The following EFHC2 variants were observed in gnomAD, a reference collection of about 807,000 sequenced individuals.
EFHC2 encodes EF-hand domain containing 2, also known as EF-hand domain-containing family member C2.
EFHC2 carries 18 observed loss-of-function variants against 52.7 expected under a neutral mutation model. That is an observed-to-expected ratio of 0.34 (90% CI 0.24 to 0.51). The LOEUF is 0.51. EFHC2 is among the 20% of genes least tolerant of loss of function. The probability of loss-of-function intolerance (pLI) is 0.97; values close to 1 mark genes in which losing one functional copy is unlikely to be tolerated. For missense variants in EFHC2, 513 were observed against 562.5 expected (o/e 0.91, Z 0.89); for synonymous variants, 203 against 204.1 (o/e 0.99, Z 0.04).
At chrX:44,324,582 A>T (rs1390721745) in intron 1 of EFHC2, among the ~76,000 whole-genome samples, 1 of 111,332 alleles carries the variant, frequency 9.0e-6, no homozygotes, top group African/African-American at 3.3e-5. Flanking sequence ...ACACACACAC[A>T]ATTGCTACAA....
intron 1 of EFHC2, among the ~76,000 whole-genome samples, chrX:44,314,317 A>G (rs759436549): frequency 2.7e-5 from 3 of 112,485 alleles, no homozygotes; most frequent in Admixed American, 1.9e-4. Context: ...GTATATAGCC[A>G]GGGCAATAGC....
At chrX:44,291,238 A>G (rs1450387690) in intron 2 of EFHC2, among the ~76,000 whole-genome samples, 2 of 111,772 alleles carry the variant, frequency 1.8e-5, no homozygotes, top group Admixed American at 9.5e-5. Flanking sequence ...TTTTTGATAA[A>G]TTTATGTTCC....
intron 11 of EFHC2, among the ~76,000 whole-genome samples, chrX:44,181,927 A>G (rs1292128704): frequency 8.9e-6 from 1 of 112,381 alleles, no homozygotes; most frequent in African/African-American, 3.2e-5. Context: ...CACACATTCC[A>G]TTTTTCATTG....
chrX:44,212,774 C>T (rs2037109958), intron 11 of EFHC2, among the ~76,000 whole-genome samples: 2 of 110,680 alleles, frequency 1.8e-5, no homozygotes, highest in South Asian at 3.9e-4. Flanking sequence ...TGCAGTGGCG[C>T]GACCTAGGCT....
At chrX:44,223,898 G>C (rs1024938830) in intron 11 of EFHC2, among the ~76,000 whole-genome samples, 1 of 111,583 alleles carries the variant, frequency 9.0e-6, no homozygotes, top group Non-Finnish European at 1.9e-5. Context: ...AACACCAATA[G>C]CAATGTACAC....
At chrX:44,174,795 A>G (rs1194421688) in intron 13 of EFHC2, among the ~76,000 whole-genome samples, 1 of 111,362 alleles carries the variant, frequency 9.0e-6, no homozygotes, top group Non-Finnish European at 1.9e-5. Flanking sequence ...TGCCTACTTC[A>G]TCTCAGTTCC....
chrX:44,282,456 A>T (rs1252963346), intron 2 of EFHC2, among the ~76,000 whole-genome samples: 2 of 101,352 alleles, frequency 2.0e-5, no homozygotes, highest in Non-Finnish European at 4.0e-5. Flanking sequence ...AAAAAAAAAA[A>T]AATACAAAAT....
intron 3 of EFHC2, among the ~76,000 whole-genome samples, chrX:44,262,531 A>AAAAAAAAAAAAAAAGAAAAG (rs2037548744): frequency 1.1e-5 from 1 of 93,679 alleles, no homozygotes; most frequent in African/African-American, 4.4e-5. Flanking sequence ...AAAAAAAAAA[A>AAAAAAAAAAAAAAAGAAAAG]AAAAGAAAAG....
At chrX:44,289,677 C>CTTT (rs1207899077) in intron 2 of EFHC2, among the ~76,000 whole-genome samples, 131 of 72,251 alleles carry the variant, frequency 1.8e-3, no homozygotes, top group African/African-American at 2.5e-3. Flanking sequence ...TCTTTTCTTT[C>CTTT]TTTTTTTTTT....
At chrX:44,242,404 TAAACTCTTTC>T in intron 7 of EFHC2, 115 bp from the exon 8 acceptor site, 1 of 853,489 alleles carries the variant, frequency 1.2e-6, no homozygotes, top group Non-Finnish European at 1.6e-6. Context: ...TAGACTATTT[TAAACTCTTTC>T]AAACAAAACA....
At chrX:44,257,268 T>C (rs983770153) in intron 4 of EFHC2, among the ~76,000 whole-genome samples, 11 of 111,819 alleles carry the variant, frequency 9.8e-5, no homozygotes, top group African/African-American at 3.3e-4. Context: ...TCACCACTCC[T>C]ATTCAACATA....
chrX:44,178,129 TCACACACACACACACACACA>T (rs201977577), intron 12 of EFHC2, among the ~76,000 whole-genome samples: 2 of 83,952 alleles, frequency 2.4e-5, no homozygotes, highest in Non-Finnish European at 4.6e-5. Context: ...AGATGCCATA[TCACACACACACACACACACA>T]CACACACACA....
intron 11 of EFHC2, among the ~76,000 whole-genome samples, chrX:44,184,723 CA>C (rs34983921): frequency 0.18 from 8,482 of 46,128 alleles, 497 homozygotes; most frequent in African/African-American, 0.24. Flanking sequence ...AATTCCATCT[CA>C]AAAAAAAAAA....
At chrX:44,311,544 G>C (rs1378698788) in intron 2 of EFHC2, among the ~76,000 whole-genome samples, 2 of 111,784 alleles carry the variant, frequency 1.8e-5, no homozygotes, top group Admixed American at 1.9e-4. Context: ...TGTGATACAG[G>C]GCTATCTGAT....
At chrX:44,214,204 T>C (rs756482010) in intron 11 of EFHC2, among the ~76,000 whole-genome samples, 2 of 111,979 alleles carry the variant, frequency 1.8e-5, no homozygotes, top group East Asian at 5.6e-4. Context: ...CCTAAATTAA[T>C]GTCAGACACC....
chrX:44,217,703 T>C (rs2037162313), intron 11 of EFHC2, among the ~76,000 whole-genome samples: 1 of 108,292 alleles, frequency 9.2e-6, no homozygotes, highest in Non-Finnish European at 1.9e-5. Flanking sequence ...CTAGAAAGGG[T>C]AGTGGGGGAG....
intron 11 of EFHC2, among the ~76,000 whole-genome samples, chrX:44,229,048 T>C (rs1215665848): frequency 8.9e-6 from 1 of 112,309 alleles, no homozygotes. Flanking sequence ...GGTCAGCCAC[T>C]GGATAGTCCC....
At chrX:44,175,216 C>T (rs1285387125) in intron 13 of EFHC2, among the ~76,000 whole-genome samples, 4 of 112,065 alleles carry the variant, frequency 3.6e-5, no homozygotes, top group East Asian at 2.8e-4. Context: ...AGATGACATA[C>T]ATTTTTGCTC....
chrX:44,257,852 G>C (rs1375003589), intron 4 of EFHC2, among the ~76,000 whole-genome samples: 3 of 111,834 alleles, frequency 2.7e-5, no homozygotes, highest in African/African-American at 9.8e-5. Context: ...AAAGAATAAA[G>C]CTGGAGGCAT....
Sources: allele counts gnomAD v4.1 joint callset (sites outside exome capture counted in the v4.1 genomes callset), GRCh38; gene constraint gnomAD v4.1.1; transcripts MANE v1.5; gene names NCBI Gene and HGNC (gene_info 2026-07-23, HGNC 2026-07-21).